The following DNAH10 variants were observed in gnomAD, a reference collection of about 807,000 sequenced individuals.
DNAH10 encodes dynein axonemal heavy chain 10.
A neutral mutation model predicts 506.6 loss-of-function variants in DNAH10; 348 were observed. That is an observed-to-expected ratio of 0.69 (90% CI 0.63 to 0.75). DNAH10 has a LOEUF of 0.75. DNAH10 is among the 30% of genes least tolerant of loss of function. DNAH10 has a pLI of 0.00. For synonymous variants in DNAH10, 2,059 were observed against 2,198.6 expected, an observed-to-expected ratio of 0.94 and a Z score of 1.78; for missense variants, 5,179 against 5,787.1, an observed-to-expected ratio of 0.89 and a Z score of 3.41.
In DNAH10 at chr12:123,877,928, C is replaced by T; in HGVS notation, c.8372+20C>T. On this transcript the variant is annotated intron_variant, in intron 48 of 78. Transcript: ENST00000673944. ...GGAGCGGTGAGTTTGATTTATCTTA[C>T]TAAAATATGCCCCACAGGTATGATA... The T allele has an allele frequency of 6.2e-7, 1 of 1,610,604 alleles. No individual in the cohort carries two copies. The highest frequency in any genetic ancestry group is 8.5e-7 in the Non-Finnish European group (1 of 1,178,292).
intron 64 of DNAH10, among the ~76,000 whole-genome samples, chr12:123,918,292 C>T (rs1471941682): frequency 1.3e-5 from 2 of 152,236 alleles, no homozygotes; most frequent in East Asian, 1.9e-4. Context: ...CTGTTCCTAC[C>T]GTGAAGGTCC....
chr12:123,833,234 G>C lies in DNAH10; in HGVS notation c.4666G>C (p.Asp1556His), dbSNP rs1413120541. ...GSVDEIIQSLDDNTFNLQSIS... is the reference protein window; with the variant it reads ...GSVDEIIQSLHDNTFNLQSIS... Reference sequence around the variant, plus strand: ...TGTTGACGAAATTATTCAGTCTCTTGATGACAACACTTTCAACCTGCAGAG... The same window carrying C: ...TGTTGACGAAATTATTCAGTCTCTTCATGACAACACTTTCAACCTGCAGAG... Residue 1556 changes from aspartate to histidine, a missense_variant, in exon 27 of 79, where the codon GAT (aspartate) becomes CAT (histidine). Asp to His is a moderately conservative substitution (Grantham distance 81, BLOSUM62 -1). Coordinates refer to ENST00000673944, the MANE Select transcript of DNAH10 (RefSeq NM_001372106.1). 1.2e-6 allele frequency: 2 copies of C among 1,613,762 alleles called. No individual in the cohort carries two copies. The highest frequency in any genetic ancestry group is 8.5e-7 in the Non-Finnish European group (1 of 1,179,864).
At position 123,933,227 on chromosome 12, in the gene DNAH10, A is replaced by G. The variant is rs1423341339; in HGVS notation, c.13297-104A>G. The G allele has an allele frequency of 3.2e-5, 36 of 1,134,946 alleles. No individual in the cohort carries two copies. The East Asian group carries it at 1.1e-3, about 34-fold the overall frequency. The allele number at this position is 1,134,946 out of a possible 1,614,324, so 70.3% of individuals were successfully genotyped here. A position where few individuals can be genotyped will look rare whatever the true frequency, so the allele number is the denominator to read the frequency against. ...GTGCCAACGCCATCTTTTGCCACTTAGGTGAAATATGTCTTTTATCATAAA... is the reference window on the plus strand; with the variant it reads ...GTGCCAACGCCATCTTTTGCCACTTGGGTGAAATATGTCTTTTATCATAAA... On this transcript the variant is annotated intron_variant, in intron 76 of 78. Transcript: ENST00000673944.
intron 5 of DNAH10, among the ~76,000 whole-genome samples, chr12:123,775,763 G>A (rs1255364784): frequency 6.6e-6 from 1 of 152,134 alleles, no homozygotes; most frequent in Non-Finnish European, 1.5e-5. Flanking sequence ...CTGGGGTGGA[G>A]GGGAAGGAAA....
At chr12:123,819,700 GTTT>G (rs768231077) in intron 23 of DNAH10, among the ~76,000 whole-genome samples, 7 of 101,836 alleles carry the variant, frequency 6.9e-5, no homozygotes, top group African/African-American at 2.0e-4. Flanking sequence ...CTAAAATTCT[GTTT>G]TTTTTTTTTT....
Position 123,887,257 on chromosome 12 carries a change from A to G in DNAH10, c.8939A>G (p.Asp2980Gly). 6.2e-7 allele frequency: 1 copy of G among 1,614,002 alleles called. No homozygotes were observed. The highest frequency in any genetic ancestry group is 1.1e-5 in the South Asian group (1 of 91,080). The change falls in exon 52 of 79, where the codon GAT becomes GGT. Residue 2980 changes from aspartate to glycine, a missense_variant. Coordinates refer to ENST00000673944, the MANE Select transcript of DNAH10 (RefSeq NM_001372106.1). ...AAAGCGATGATCTTTCTGTTCACGG[A>G]TGCCCATGTGGCTGAGGAGGGCTTC... ...ENKAMIFLFT[D>G]AHVAEEGFLE...
rs145339378 is a variant in DNAH10 at position 123,769,536 on chromosome 12, G to A, written c.298+1847G>A. On this transcript the variant is annotated intron_variant, in intron 2 of 78. Coordinates refer to ENST00000673944, the MANE Select transcript of DNAH10 (RefSeq NM_001372106.1). ...GGATGCCACAGCAATGTCTGCTGAG[G>A]TATCCTAGGAAGGCACTCTCGGCTT... is the stretch of plus-strand genomic sequence containing the variant. Among the ~76,000 whole-genome samples the A allele has an allele frequency of 9.9e-3, 1,511 of 152,224 alleles. 14 individuals are homozygous for A. Among genetic ancestry groups the A allele is most frequent in the Non-Finnish European group, 0.016 (1,103 of 67,986 alleles).
chr12:123,901,175 G>C (rs73424827), intron 56 of DNAH10, among the ~76,000 whole-genome samples: 15,662 of 152,248 alleles, frequency 0.1, 901 homozygotes, highest in Middle Eastern at 0.14. Flanking sequence ...CCCCTTTGCA[G>C]GCTGCTCCCC....
chr12:123,779,600 T>TC, intron 5 of DNAH10, among the ~76,000 whole-genome samples: 2 of 82,954 alleles, frequency 2.4e-5, no homozygotes, highest in East Asian at 1.6e-3. Context: ...GACCTGGGGG[T>TC]GGGGGAGAGA....
chr12:123,912,445 C>G (rs1451692223), intron 59 of DNAH10, among the ~76,000 whole-genome samples: 1 of 60,090 alleles, frequency 1.7e-5, no homozygotes. Context: ...GGGGTCTGTC[C>G]TGGGGGGTCT....
Position 123,845,652 on chromosome 12 carries a change from G to A in DNAH10, c.5413G>A (p.Val1805Met). Residue 1805 changes from valine (V) to methionine (M), a missense_variant, in exon 31 of 79, where the codon GTG (valine) becomes ATG (methionine). Physicochemically the swap from Val to Met is conservative, Grantham distance 21. Coordinates refer to ENST00000673944, the MANE Select transcript of DNAH10 (RefSeq NM_001372106.1). Reference sequence around the variant, plus strand: ...CATGGTGGTGCTGGCCGCTAGCCAGGTGTGGTGGACCTGGGAGGTGGAAGA... The same window carrying A: ...CATGGTGGTGCTGGCCGCTAGCCAGATGTGGTGGACCTGGGAGGTGGAAGA... ...QGMVVLAASQ[V>M]WWTWEVEDVF... The A allele has an allele frequency of 2.5e-6, 4 of 1,613,784 alleles. No individual in the cohort carries two copies. Among genetic ancestry groups the A allele is most frequent in the Non-Finnish European group, 3.4e-6 (4 of 1,179,890 alleles).
chr12:123,873,182 G>A (rs1952104825), intron 45 of DNAH10, among the ~76,000 whole-genome samples: 1 of 152,216 alleles, frequency 6.6e-6, no homozygotes, highest in Non-Finnish European at 1.5e-5. Context: ...GCTCTATGAA[G>A]TAGTCCTAAG....
rs1953815236 is a variant in DNAH10 at position 123,907,052 on chromosome 12, G to A, written c.9816-2209G>A. Among the ~76,000 whole-genome samples, 1 of 152,248 alleles carries A rather than the reference G, an allele frequency of 6.6e-6. No individual in the cohort carries two copies. The highest frequency in any genetic ancestry group is 1.5e-5 in the Non-Finnish European group (1 of 68,048). ...CCCACCCCTGCCCTGAGCAGGCACT[G>A]GGGCCCATCAGCAGTGAGGCAGGCA... On this transcript the variant is annotated intron_variant, in intron 57 of 78. Coordinates refer to ENST00000673944, the MANE Select transcript of DNAH10 (RefSeq NM_001372106.1). This position sits in a 1 kb window ranked among gnomAD's most constrained non-coding sequence, Gnocchi z 4.4.
rs558787788 is a variant in DNAH10, at chr12:123,897,711, T to A, written c.9281-59T>A. On this transcript the variant is annotated intron_variant, in intron 54 of 78. Transcript: ENST00000673944. Reference sequence around the variant, plus strand: ...CTGCACTCCAGCCTGGGCAACAGAGTGAGACCCTGTGTCGAAAAAGAAAAA... The same window carrying A: ...CTGCACTCCAGCCTGGGCAACAGAGAGAGACCCTGTGTCGAAAAAGAAAAA... 13 of 1,572,212 alleles carry A rather than the reference T, an allele frequency of 8.3e-6. No individual in the cohort carries two copies. In the East Asian group the frequency reaches 2.7e-4, roughly 33 times the overall value.
chr12:123,773,205 G>A (rs1377916083), intron 4 of DNAH10, among the ~76,000 whole-genome samples: 1 of 152,242 alleles, frequency 6.6e-6, no homozygotes, highest in Non-Finnish European at 1.5e-5. Context: ...TGAAACTTGT[G>A]AAATAATGGC....
chr12:123,875,515 C>G (rs1315050105), intron 47 of DNAH10, 24 bp downstream of exon 47: 5 of 1,612,146 alleles, frequency 3.1e-6, no homozygotes, highest in Admixed American at 1.7e-5. Context: ...AACTAGAAGT[C>G]TAAACCGGAA....
At position 123,914,446 on chromosome 12, in the gene DNAH10, G is replaced by A; in HGVS notation, c.10470G>A (p.Glu3490=). The part of the protein sequence containing the change: ...EGAFTWEFRD[E]MVNRIWQNDI... ...CCTTCACCTGGGAGTTCCGTGACGA[G>A]ATGGTCAATCGGATTTGGCAAAATG... Residue 3490 remains glutamate, a synonymous_variant, in exon 61 of 79, where the codon GAG becomes GAA. Transcript: ENST00000673944. 6.2e-7 allele frequency: 1 copy of A among 1,613,850 alleles called. No individual in the cohort carries two copies. Among genetic ancestry groups the A allele is most frequent in the South Asian group, 1.1e-5 (1 of 91,092 alleles).
chr12:123,795,025 G>A (rs984201347), intron 12 of DNAH10, among the ~76,000 whole-genome samples: 1 of 151,176 alleles, frequency 6.6e-6, no homozygotes, highest in Admixed American at 6.6e-5. Context: ...GGTGGTGTCT[G>A]TAATCCCAGC....
intron 53 of DNAH10, 71 bp downstream of exon 53, chr12:123,893,507 A>C: frequency 3.8e-6 from 6 of 1,559,950 alleles, no homozygotes; most frequent in Non-Finnish European, 5.3e-6. Flanking sequence ...GTCTGTCCAC[A>C]CCTCTCCAGG....
Sources: gnomAD v4.1 joint callset for allele counts (sites outside exome capture counted in the v4.1 genomes callset) on GRCh38, gnomAD v4.1.1 for gene constraint, Gnocchi (gnomAD v3.1) non-coding constraint, MANE v1.5 for transcripts, NCBI Gene and HGNC (gene_info 2026-07-23, HGNC 2026-07-21) for gene names.